The following CBL variants were observed in gnomAD, a reference collection of about 807,000 sequenced individuals.
The protein encoded by CBL is Cbl proto-oncogene, also known as E3 ubiquitin-protein ligase CBL.
CBL carries 45 observed loss-of-function variants against 96.9 expected under a neutral mutation model. The observed-to-expected ratio is 0.46, with a 90% CI of 0.37 to 0.60. CBL has a LOEUF of 0.60. Among genes scored for constraint, CBL ranks in the 20% least tolerant of loss-of-function variants. The probability of loss-of-function intolerance (pLI) is 0.00; values close to 1 mark genes in which losing one functional copy is unlikely to be tolerated. For missense variants in CBL, 1,024 were observed against 1,143.5 expected (o/e 0.90, Z 1.51); for synonymous variants, 420 against 426.8 (o/e 0.98, Z 0.20).
At position 119,298,486 on chromosome 11, in the gene CBL, T is replaced by A. The variant is rs1046134200; in HGVS notation, c.2380T>A (p.Ser794Thr). 3 of 1,614,056 alleles carry A rather than the reference T, an allele frequency of 1.9e-6. No individual in the cohort carries two copies. The highest frequency in any genetic ancestry group is 2.5e-6 in the Non-Finnish European group (3 of 1,180,030). Residue 794 changes from serine (S) to threonine (T), a missense_variant, in exon 15 of 16, where the codon TCT (serine) becomes ACT (threonine). Physicochemically the swap from Ser to Thr is moderately conservative, Grantham distance 58 (BLOSUM62 1). This residue lies in a region of CBL where 695 missense variants were observed against 661.6 expected (regional missense o/e 1.05). Transcript: ENST00000264033. Reference protein sequence around the residue: ...VLARRTLSDISNASSSFGWLS... With the variant: ...VLARRTLSDITNASSSFGWLS... The stretch of plus-strand genomic sequence containing the variant: ...GGCCCGCCGAACTCTCTCAGATATC[T>A]CTAATGCCAGCTCCTCCTTTGGCTG...
intron 1 of CBL, among the ~76,000 whole-genome samples, chr11:119,224,388 C>T (rs1441987009): frequency 6.6e-6 from 1 of 152,070 alleles, no homozygotes; most frequent in Non-Finnish European, 1.5e-5. Flanking sequence ...CTGTCCCCCT[C>T]ATTACCTCCA....
At chr11:119,220,450 A>T (rs1949398984) in intron 1 of CBL, among the ~76,000 whole-genome samples, 1 of 152,174 alleles carries the variant, frequency 6.6e-6, no homozygotes, top group Non-Finnish European at 1.5e-5. Flanking sequence ...GTCTAAAAAA[A>T]TATTAGCCAG....
intron 1 of CBL, among the ~76,000 whole-genome samples, chr11:119,228,814 CTTT>C (rs945049098): frequency 1.6e-5 from 1 of 63,072 alleles, no homozygotes. Flanking sequence ...CTCTCTCTCT[CTTT>C]TTTTTTTTTG....
chr11:119,277,828 A>G lies in CBL; in HGVS notation c.1079A>G (p.His360Arg). The G allele has an allele frequency of 1.2e-6, 2 of 1,612,684 alleles. No individual in the cohort carries two copies. The highest frequency in any genetic ancestry group is 1.7e-4 in the Middle Eastern group (1 of 6,058). The change falls in exon 7 of 16, where the codon CAT becomes CGT. Residue 360 changes from histidine to arginine, a missense_variant. Physicochemically the swap from His to Arg is conservative, Grantham distance 29. Coordinates refer to ENST00000264033, the MANE Select transcript of CBL (RefSeq NM_005188.4). The stretch of plus-strand genomic sequence containing the variant: ...TTATGTGAACCAACTCCCCAAGACC[A>G]TATCAAAGTGACCCAGGTGAGTTTT... ...TGLCEPTPQD[H>R]IKVTQEQYEL...
In CBL at chr11:119,232,599, G is replaced by T. The variant is rs748412298; in HGVS notation, c.347G>T (p.Arg116Met). ...ACACTTGGAGAAAATGAGTATTTTAGGGTGTTTATGGAGAATTTGATGAAG... is the reference window on the plus strand; with the variant it reads ...ACACTTGGAGAAAATGAGTATTTTATGGTGTTTATGGAGAATTTGATGAAG... ...METLGENEYF[R>M]VFMENLMKKT... Residue 116 changes from arginine to methionine, a missense_variant, in exon 2 of 16, where the codon AGG becomes ATG. Physicochemically the swap from Arg to Met is moderately conservative, Grantham distance 91. Transcript: ENST00000264033. 1.2e-6 allele frequency: 2 copies of T among 1,614,044 alleles called. No individual in the cohort carries two copies. Among genetic ancestry groups the T allele is most frequent in the Non-Finnish European group, 1.7e-6 (2 of 1,179,962 alleles).
At chr11:119,225,201 A>G (rs758136899) in intron 1 of CBL, among the ~76,000 whole-genome samples, 27 of 151,884 alleles carry the variant, frequency 1.8e-4, no homozygotes, top group African/African-American at 3.9e-4. Context: ...GGTTCATGCA[A>G]TTCTCCTGTC....
rs573305253 is a variant in CBL at position 119,305,672 on chromosome 11, T to C, written c.*5891T>C. 4.4e-4 allele frequency: 99 copies of C among 225,216 alleles called. No individual in the cohort carries two copies. The highest frequency in any genetic ancestry group is 2.1e-3 in the African/African-American group (95 of 45,036). The allele number at this position is 225,216 out of a possible 1,614,324, so 14.0% of individuals were successfully genotyped here. ...ATAGATTCCAGTTTAGGATAGAGTT[T>C]TTACCGAGAGCTCTTTAGACAGTAT... On this transcript the variant is annotated 3_prime_UTR_variant, in exon 16 of 16. Coordinates refer to ENST00000264033, the MANE Select transcript of CBL (RefSeq NM_005188.4).
intron 2 of CBL, among the ~76,000 whole-genome samples, chr11:119,245,592 G>A (rs1476476704): frequency 6.6e-6 from 1 of 151,968 alleles, no homozygotes; most frequent in Non-Finnish European, 1.5e-5. Flanking sequence ...ACCCGGGCAT[G>A]GTGGTGGGTA....
intron 1 of CBL, among the ~76,000 whole-genome samples, chr11:119,222,267 A>G (rs1307376554): frequency 6.6e-6 from 1 of 152,248 alleles, no homozygotes; most frequent in East Asian, 1.9e-4. Context: ...TCACAACAGC[A>G]TTAGGCTTAG....
rs977644686 is a variant in CBL, at chr11:119,253,732, G to A, written c.444-18003G>A. On this transcript the variant is annotated intron_variant, in intron 2 of 15. Coordinates refer to ENST00000264033, the MANE Select transcript of CBL (RefSeq NM_005188.4). The stretch of plus-strand genomic sequence containing the variant: ...GCATACCTGTGGTCTAAGCTGTTCT[G>A]GAGGCTGATTTGGGAAGATGCTTGA... Among the ~76,000 whole-genome samples the A allele has an allele frequency of 2.0e-4, 30 of 150,492 alleles. No homozygotes were observed. The Admixed American group carries it at 2.0e-3, about 10-fold the overall frequency.
In CBL at chr11:119,216,855, CCCTA is replaced by C. The variant is rs555203632; in HGVS notation, c.195+10247_195+10250del. Among the ~76,000 whole-genome samples the C allele has an allele frequency of 7.3e-4, 111 of 152,114 alleles. 3 individuals are homozygous for C. Among genetic ancestry groups the C allele is most frequent in the Non-Finnish European group, 3.2e-4 (22 of 68,028 alleles). On this transcript the variant is annotated intron_variant, in intron 1 of 15. Coordinates refer to ENST00000264033, the MANE Select transcript of CBL (RefSeq NM_005188.4). ...GTTTGGGGTCCATTCCCTCCCATCT[CCCTA>C]CCTGTCTTATCCTCGGTTACTCCGA...
rs556437717 is a variant in CBL, at chr11:119,250,944, C to CT, written c.443+18250dup. On this transcript the variant is annotated intron_variant, in intron 2 of 15. Coordinates refer to ENST00000264033, the MANE Select transcript of CBL (RefSeq NM_005188.4). The stretch of plus-strand genomic sequence containing the variant: ...ACAGCCTGGGTAACAGAGCAAGACT[C>CT]TGTCTCAAAAATAAAAAAATATTTT... Among the ~76,000 whole-genome samples the CT allele has an allele frequency of 5.3e-4, 81 of 152,266 alleles. 1 individual carries two copies. The East Asian group carries it at 0.015, about 28-fold the overall frequency.
At chr11:119,298,208 T>G in intron 14 of CBL, 150 bp from the exon 15 acceptor site, 1 of 745,690 alleles carries the variant, frequency 1.3e-6, no homozygotes, top group Non-Finnish European at 2.4e-6. Context: ...TATCTCTGTT[T>G]ACATGGTGTT....
chr11:119,289,312 T>C (rs1162966547), intron 12 of CBL, among the ~76,000 whole-genome samples: 2 of 152,184 alleles, frequency 1.3e-5, no homozygotes, highest in African/African-American at 4.8e-5. Flanking sequence ...GTTTTTTTCT[T>C]TTCCTTTTAG....
intron 12 of CBL, among the ~76,000 whole-genome samples, chr11:119,288,148 G>T (rs1489752707): frequency 6.6e-6 from 1 of 151,832 alleles, no homozygotes; most frequent in Non-Finnish European, 1.5e-5. Flanking sequence ...GTTTTGCTGG[G>T]GCCTGTCAAT....
At position 119,302,072 on chromosome 11, in the gene CBL, G is replaced by A. The variant is rs1950105953; in HGVS notation, c.*2291G>A. On this transcript the variant is annotated 3_prime_UTR_variant, in exon 16 of 16. Transcript: ENST00000264033. The stretch of plus-strand genomic sequence containing the variant: ...TTATCTCCCTACTGTGTAGGTTAAG[G>A]GCAGTCTCGACTTTTCCTTTTTTGA... 8.6e-6 allele frequency: 2 copies of A among 232,856 alleles called. No homozygotes were observed. The highest frequency in any genetic ancestry group is 1.8e-4 in the South Asian group (1 of 5,524). The allele number at this position is 232,856 out of a possible 1,614,324, so 14.4% of individuals were successfully genotyped here.
chr11:119,267,149 T>G (rs1368859869), intron 2 of CBL, among the ~76,000 whole-genome samples: 1 of 152,232 alleles, frequency 6.6e-6, no homozygotes, highest in East Asian at 1.9e-4. Context: ...AATTCATTAT[T>G]TCCTTTTAAG....
intron 15 of CBL, among the ~76,000 whole-genome samples, chr11:119,298,893 GCT>G (rs1457913620): frequency 6.6e-6 from 1 of 151,694 alleles, no homozygotes; most frequent in African/African-American, 2.4e-5. Context: ...AGGCATGCTA[GCT>G]CTGGAACACA....
chr11:119,271,751 C>G lies in CBL; in HGVS notation c.460C>G (p.Leu154Val). The G allele has an allele frequency of 6.2e-7, 1 of 1,613,994 alleles. No individual in the cohort carries two copies. The highest frequency in any genetic ancestry group is 1.3e-5 in the African/African-American group (1 of 75,040). Residue 154 changes from leucine to valine, a missense_variant, in exon 3 of 16, where the codon CTG becomes GTG. This residue lies in a region of CBL where 192 missense variants were observed against 321.8 expected (regional missense o/e 0.60). Coordinates refer to ENST00000264033, the MANE Select transcript of CBL (RefSeq NM_005188.4). ...CATTTGTAGGCGAAACCTAACCAAA[C>G]TGTCCCTCATCTTCAGCCACATGCT... ...NSQPRRNLTK[L>V]SLIFSHMLAE...
Sources: allele counts gnomAD v4.1 joint callset (sites outside exome capture counted in the v4.1 genomes callset), GRCh38; gene constraint gnomAD v4.1.1; regional missense constraint gnomAD v4.1.1; transcripts MANE v1.5; gene names NCBI Gene and HGNC (gene_info 2026-07-23, HGNC 2026-07-21).